SPAG6: variants seen among roughly 807,000 people sequenced by gnomAD.
SPAG6 encodes sperm associated antigen 6, also known as sperm-associated antigen 6.
A neutral mutation model predicts 58.5 loss-of-function variants in SPAG6; 49 were observed. That is an observed-to-expected ratio of 0.84 (90% CI 0.67 to 1.06). The LOEUF is 1.06. Ranked by LOEUF, SPAG6 falls within the 50% of genes least tolerant of loss-of-function variation. The pLI is 0.00. For synonymous variants in SPAG6, 233 were observed against 225.6 expected (o/e 1.03, Z -0.29); for missense variants, 560 against 611.3 (o/e 0.92, Z 0.89).
chr10:22,414,023 TG>T (rs1197896276), intron 10 of SPAG6, among the ~76,000 whole-genome samples: 1 of 152,098 alleles, frequency 6.6e-6, no homozygotes, highest in Non-Finnish European at 1.5e-5. Flanking sequence ...GGTAGGTAAA[TG>T]AGAGGAAAGG....
At position 22,411,950 on chromosome 10, in the gene SPAG6, G is replaced by A. The variant is rs547472265; in HGVS notation, c.1460+774G>A. Among the ~76,000 whole-genome samples, 9 of 140,604 alleles carry A rather than the reference G, an allele frequency of 6.4e-5. 1 individual carries two copies. Among genetic ancestry groups the A allele is most frequent in the African/African-American group, 2.4e-4 (9 of 38,126 alleles). The allele number at this position is 140,604 out of a possible 152,430, so 92.2% of individuals were successfully genotyped here. ...TGCAAGCTCCACCTCCCAGGTTCAC[G>A]CCGTTCTCCTGCGTCGGCCTCCCGA... On this transcript the variant is annotated intron_variant, in intron 10 of 10. Coordinates refer to ENST00000376624, the MANE Select transcript of SPAG6 (RefSeq NM_012443.4).
At chr10:22,372,506 C>T (rs1375058497) in intron 4 of SPAG6, among the ~76,000 whole-genome samples, 3 of 152,084 alleles carry the variant, frequency 2.0e-5, no homozygotes, top group African/African-American at 4.8e-5. Flanking sequence ...TGAGGGAGGC[C>T]GCTGCAGGAG....
chr10:22,380,215 A>C (rs1359071645), intron 4 of SPAG6, among the ~76,000 whole-genome samples: 2 of 152,232 alleles, frequency 1.3e-5, no homozygotes, highest in African/African-American at 4.8e-5. Context: ...ATCATGAAAA[A>C]TTTGGTTGAA....
chr10:22,358,603 A>G (rs2132039305), intron 2 of SPAG6, among the ~76,000 whole-genome samples: 1 of 151,866 alleles, frequency 6.6e-6, no homozygotes, highest in South Asian at 2.1e-4. Context: ...CCATTTGTCA[A>G]TTTTGGCTTT....
chr10:22,368,666 A>G lies in SPAG6; in HGVS notation c.460A>G (p.Arg154Gly), dbSNP rs1380073269. ...AGCCTGGGCACTTAGATATATTGCA[A>G]GACATAATGCAGGTAATTTAAAATA... ...AAAWALRYIA[R>G]HNAELSQAVV... The change falls in exon 4 of 11, where the codon AGA becomes GGA. Residue 154 changes from arginine to glycine, a missense_variant. Coordinates refer to ENST00000376624, the MANE Select transcript of SPAG6 (RefSeq NM_012443.4). 1 of 1,612,300 alleles carries G rather than the reference A, an allele frequency of 6.2e-7. No individual in the cohort carries two copies. Among genetic ancestry groups the G allele is most frequent in the South Asian group, 1.1e-5 (1 of 90,906 alleles).
chr10:22,406,401 T>TA (rs1450128057), intron 9 of SPAG6, among the ~76,000 whole-genome samples: 1 of 152,236 alleles, frequency 6.6e-6, no homozygotes, highest in Non-Finnish European at 1.5e-5. Flanking sequence ...ATGTATCCAG[T>TA]AGTTATTCAG....
At chr10:22,346,430 G>GTCCTTC (rs1836531501) in intron 2 of SPAG6, among the ~76,000 whole-genome samples, 1 of 95,920 alleles carries the variant, frequency 1.0e-5, no homozygotes, top group African/African-American at 3.9e-5. Flanking sequence ...AGAGAAAATG[G>GTCCTTC]TTCTTCTTCT....
At chr10:22,408,772 G>A (rs1023805286) in intron 9 of SPAG6, among the ~76,000 whole-genome samples, 10 of 152,212 alleles carry the variant, frequency 6.6e-5, no homozygotes, top group Non-Finnish European at 1.2e-4. Context: ...AGACTGCTGT[G>A]CTAGCAATCA....
chr10:22,374,134 A>T (rs1479003657), intron 4 of SPAG6, among the ~76,000 whole-genome samples: 1 of 152,174 alleles, frequency 6.6e-6, no homozygotes, highest in African/African-American at 2.4e-5. Flanking sequence ...TAGAATCTAG[A>T]GCAACAGAAT....
chr10:22,384,217 T>C (rs966683356), intron 4 of SPAG6, among the ~76,000 whole-genome samples: 1 of 152,226 alleles, frequency 6.6e-6, no homozygotes, highest in Non-Finnish European at 1.5e-5. Flanking sequence ...TTTGCAGACA[T>C]GACCATGTCC....
intron 2 of SPAG6, among the ~76,000 whole-genome samples, chr10:22,363,265 T>C (rs1181267481): frequency 6.6e-6 from 1 of 152,264 alleles, no homozygotes; most frequent in African/African-American, 2.4e-5. Flanking sequence ...CCACCTTTCC[T>C]GAAATAACCT....
chr10:22,348,590 A>T (rs1198931776), intron 2 of SPAG6, among the ~76,000 whole-genome samples: 1 of 152,232 alleles, frequency 6.6e-6, no homozygotes, highest in Non-Finnish European at 1.5e-5. Context: ...GGGTATCATG[A>T]TCAAACCAGT....
At chr10:22,399,640 A>G (rs1025640573) in intron 8 of SPAG6, among the ~76,000 whole-genome samples, 12 of 152,218 alleles carry the variant, frequency 7.9e-5, no homozygotes, top group Admixed American at 7.2e-4. Context: ...TTTCTTCCAC[A>G]TGAAAGATAG....
chr10:22,405,647 C>T (rs1209870735), intron 9 of SPAG6, among the ~76,000 whole-genome samples: 5 of 151,374 alleles, frequency 3.3e-5, no homozygotes, highest in African/African-American at 7.3e-5. Context: ...TGATGCTGGC[C>T]TCATAAAATG....
chr10:22,397,081 CTATTT>C (rs1041538392), intron 8 of SPAG6, among the ~76,000 whole-genome samples: 1 of 152,018 alleles, frequency 6.6e-6, no homozygotes, highest in Non-Finnish European at 1.5e-5. Context: ...GTTGTAAGGG[CTATTT>C]TATTTTGCTC....
At chr10:22,406,655 T>A (rs1001310506) in intron 9 of SPAG6, among the ~76,000 whole-genome samples, 1 of 152,212 alleles carries the variant, frequency 6.6e-6, no homozygotes, top group Non-Finnish European at 1.5e-5. Flanking sequence ...CTATTAGGTC[T>A]GCTTGGTGCA....
chr10:22,363,423 G>T (rs1403987709), intron 2 of SPAG6, among the ~76,000 whole-genome samples: 1 of 152,182 alleles, frequency 6.6e-6, no homozygotes, highest in Non-Finnish European at 1.5e-5. Context: ...CATGAGCTAT[G>T]ACCCAAGTGT....
In SPAG6 at chr10:22,416,740, A is replaced by G. The variant is rs760619642; in HGVS notation, c.*52A>G. The G allele has an allele frequency of 9.8e-7, 1 of 1,017,676 alleles. No homozygotes were observed. Among genetic ancestry groups the G allele is most frequent in the Non-Finnish European group, 1.6e-6 (1 of 643,404 alleles). 63.0% of individuals were successfully genotyped at this position (1,017,676 alleles called of 1,614,324 possible). ...TCACAGCAGAGTAGTTTTGAGTAACAGTAATTAAATCCTTCTAAATATTTG... is the reference window on the plus strand; with the variant it reads ...TCACAGCAGAGTAGTTTTGAGTAACGGTAATTAAATCCTTCTAAATATTTG... On this transcript the variant is annotated 3_prime_UTR_variant, in exon 11 of 11. Transcript: ENST00000376624.
intron 4 of SPAG6, among the ~76,000 whole-genome samples, chr10:22,381,960 A>G (rs1833967280): frequency 6.6e-6 from 1 of 152,230 alleles, no homozygotes; most frequent in Admixed American, 6.5e-5. Flanking sequence ...TGTTACTGAC[A>G]GATCACTGCA....
Sources: allele counts gnomAD v4.1 joint callset (sites outside exome capture counted in the v4.1 genomes callset), GRCh38; gene constraint gnomAD v4.1.1; transcripts MANE v1.5; gene names NCBI Gene and HGNC (gene_info 2026-07-23, HGNC 2026-07-21).